The following CLEC9A variants were observed in gnomAD, a reference collection of about 807,000 sequenced individuals.
CLEC9A encodes the protein C-type lectin domain containing 9A.
CLEC9A carries 24 observed loss-of-function variants against 30.0 expected under a neutral mutation model. The ratio of observed to expected loss-of-function variants is 0.80; its 90% CI spans 0.58 to 1.13. CLEC9A has a LOEUF of 1.13. Ranked by LOEUF, CLEC9A falls within the 50% of genes most tolerant of loss-of-function variation. The probability of loss-of-function intolerance (pLI) is 0.00; values close to 1 mark genes in which losing one functional copy is unlikely to be tolerated. For synonymous variants in CLEC9A, 111 were observed against 96.8 expected (o/e 1.15, Z -0.86); for missense variants, 251 against 280.9 (o/e 0.89, Z 0.76).
At chr12:10,064,466 A>G (rs1239023583) in intron 7 of CLEC9A, among the ~76,000 whole-genome samples, 2 of 152,208 alleles carry the variant, frequency 1.3e-5, no homozygotes, top group East Asian at 3.8e-4. Context: ...TTTGACGTAT[A>G]CTACCTGCCA....
At chr12:10,040,924 CT>C (rs2137299078) in intron 1 of CLEC9A, 1 of 216,232 alleles carries the variant, frequency 4.6e-6, no homozygotes, top group Admixed American at 5.3e-5. Context: ...CAAAGCACTT[CT>C]GCCAATATGT....
At chr12:10,053,126 A>G (rs567992757) in intron 4 of CLEC9A, among the ~76,000 whole-genome samples, 1 of 152,350 alleles carries the variant, frequency 6.6e-6, no homozygotes, top group South Asian at 2.1e-4. Context: ...TAAAAAAGAG[A>G]AAACATAGGT....
chr12:10,039,342 C>A (rs1865771474), intron 1 of CLEC9A, among the ~76,000 whole-genome samples: 1 of 152,228 alleles, frequency 6.6e-6, no homozygotes, highest in South Asian at 2.1e-4. Flanking sequence ...TTGTCCTATA[C>A]ATAGCTGCCA....
At chr12:10,050,981 G>A (rs924285489) in intron 2 of CLEC9A, among the ~76,000 whole-genome samples, 5 of 152,130 alleles carry the variant, frequency 3.3e-5, no homozygotes, top group Non-Finnish European at 5.9e-5. Context: ...GAGGAAGGCG[G>A]ATCACCTGAG....
chr12:10,049,093 C>G (rs544270427), intron 2 of CLEC9A, among the ~76,000 whole-genome samples: 1 of 151,600 alleles, frequency 6.6e-6, no homozygotes, highest in Non-Finnish European at 1.5e-5. Flanking sequence ...ACATCTTCAT[C>G]GGAGCTCTAG....
At chr12:10,032,960 T>A (rs1437416793) in intron 1 of CLEC9A, among the ~76,000 whole-genome samples, 4 of 152,152 alleles carry the variant, frequency 2.6e-5, no homozygotes, top group Non-Finnish European at 5.9e-5. Flanking sequence ...CTACTTTTCC[T>A]TTATGTTAAT....
At chr12:10,058,284 G>C (rs980380577) in intron 5 of CLEC9A, among the ~76,000 whole-genome samples, 1 of 152,092 alleles carries the variant, frequency 6.6e-6, no homozygotes, top group African/African-American at 2.4e-5. Flanking sequence ...ATTTTTCAAA[G>C]TCTAAACATG....
chr12:10,041,966 A>G (rs1865801791), intron 2 of CLEC9A, among the ~76,000 whole-genome samples: 1 of 152,136 alleles, frequency 6.6e-6, no homozygotes, highest in African/African-American at 2.4e-5. Flanking sequence ...GTGGGCTCAG[A>G]CTCATACAGG....
At chr12:10,051,664 T>G (rs1031575331) in intron 2 of CLEC9A, among the ~76,000 whole-genome samples, 1 of 152,184 alleles carries the variant, frequency 6.6e-6, no homozygotes, top group African/African-American at 2.4e-5. Flanking sequence ...TAATTTTGCA[T>G]ATTATTGGGA....
chr12:10,052,733 G>A lies in CLEC9A; in HGVS notation c.46G>A (p.Ala16Thr), dbSNP rs78551705. 8,565 of 1,613,728 alleles carry A rather than the reference G, an allele frequency of 5.3e-3. 403 individuals are homozygous for A. The African/African-American group carries it at 0.097, about 18-fold the overall frequency. ...IYTSLQWDSP[A>T]PDTYQKCLSS... ...CACCTCTCTTCAGTGGGATAGCCCAGCACCAGACACTTACCAGAAATGTCT... is the reference window on the plus strand; with the variant it reads ...CACCTCTCTTCAGTGGGATAGCCCAACACCAGACACTTACCAGAAATGTCT... The change falls in exon 4 of 9, where the codon GCA becomes ACA. Residue 16 changes from alanine to threonine, a missense_variant. Coordinates refer to ENST00000355819, the MANE Select transcript of CLEC9A (RefSeq NM_207345.4).
intron 1 of CLEC9A, among the ~76,000 whole-genome samples, chr12:10,037,337 T>C (rs558104623): frequency 4.6e-5 from 7 of 152,214 alleles, no homozygotes; most frequent in Non-Finnish European, 1.0e-4. Flanking sequence ...TGTATAATTA[T>C]TGGCTATTTT....
chr12:10,032,523 T>G (rs2137293087), intron 1 of CLEC9A, among the ~76,000 whole-genome samples: 1 of 151,772 alleles, frequency 6.6e-6, no homozygotes, highest in Middle Eastern at 3.4e-3. Context: ...CTCGAGTAGC[T>G]GGGACTAAAG....
intron 2 of CLEC9A, among the ~76,000 whole-genome samples, chr12:10,047,838 T>C (rs974193976): frequency 6.6e-6 from 1 of 152,240 alleles, no homozygotes; most frequent in Non-Finnish European, 1.5e-5. Flanking sequence ...GGAAACCTTT[T>C]AGCTGGTAGA....
intron 1 of CLEC9A, among the ~76,000 whole-genome samples, chr12:10,036,034 C>T (rs1204634867): frequency 6.6e-6 from 1 of 152,128 alleles, no homozygotes; most frequent in East Asian, 1.9e-4. Flanking sequence ...CTTCAAATAC[C>T]AATGCAAATC....
chr12:10,039,712 T>C lies in CLEC9A; in HGVS notation c.-317-1754T>C, dbSNP rs143023761. Among the ~76,000 whole-genome samples the C allele has an allele frequency of 3.6e-3, 550 of 152,370 alleles. 8 individuals carry two copies. The highest frequency in any genetic ancestry group is 0.012 in the African/African-American group (518 of 41,592). On this transcript the variant is annotated intron_variant, in intron 1 of 8. Coordinates refer to ENST00000355819, the MANE Select transcript of CLEC9A (RefSeq NM_207345.4). The stretch of plus-strand genomic sequence containing the variant: ...AGTGGCACATTGTAGTCTGCGTAGC[T>C]GTTGCTTGTTTGTATATTTGTTGAT...
intron 3 of CLEC9A, 131 bp from the exon 4 acceptor site, chr12:10,052,499 T>G: frequency 7.8e-7 from 1 of 1,289,366 alleles, no homozygotes. Context: ...TGTTTTGGCT[T>G]AGACTTCATA....
At chr12:10,032,164 A>G (rs943827159) in intron 1 of CLEC9A, among the ~76,000 whole-genome samples, 1 of 152,232 alleles carries the variant, frequency 6.6e-6, no homozygotes, top group Admixed American at 6.5e-5. Context: ...AGAGGTAAAA[A>G]GGCATAGCCA....
At chr12:10,057,628 T>G (rs560248963) in intron 5 of CLEC9A, among the ~76,000 whole-genome samples, 4 of 151,886 alleles carry the variant, frequency 2.6e-5, no homozygotes, top group Non-Finnish European at 5.9e-5. Flanking sequence ...GAAGCAGATT[T>G]CTAAAAAGAC....
intron 2 of CLEC9A, among the ~76,000 whole-genome samples, chr12:10,049,406 A>G (rs998633741): frequency 1.3e-5 from 2 of 152,210 alleles, no homozygotes; most frequent in Non-Finnish European, 2.9e-5. Context: ...CAAGCCTGCC[A>G]TTGACTTTTC....
Sources: gnomAD v4.1 joint callset for allele counts (sites outside exome capture counted in the v4.1 genomes callset) on GRCh38, gnomAD v4.1.1 for gene constraint, MANE v1.5 for transcripts, NCBI Gene and HGNC (gene_info 2026-07-23, HGNC 2026-07-21) for gene names.